Variants in MED13L observed in about 807,000 individuals in gnomAD.
MED13L encodes the protein mediator complex subunit 13L.
A neutral mutation model predicts 220.9 loss-of-function variants in MED13L; 7 were observed. That is an observed-to-expected ratio of 0.03 (90% CI 0.02 to 0.06). The LOEUF (loss-of-function observed/expected upper bound fraction) is 0.06. Ranked by LOEUF, MED13L falls within the 10% of genes least tolerant of loss-of-function variation. The pLI is 1.00. For missense variants in MED13L, 1,965 were observed against 2,760.5 expected, an observed-to-expected ratio of 0.71 and a Z score of 6.46; for synonymous variants, 1,011 against 1,015.2, an observed-to-expected ratio of 1.00 and a Z score of 0.08.
At chr12:116,014,725 A>T (rs1879618962) in intron 8 of MED13L, among the ~76,000 whole-genome samples, 1 of 152,178 alleles carries the variant, frequency 6.6e-6, no homozygotes, top group African/African-American at 2.4e-5. Flanking sequence ...ATAGTAAATC[A>T]GCAAGGAAGG....
intron 1 of MED13L, among the ~76,000 whole-genome samples, chr12:116,272,631 T>A: frequency 6.6e-6 from 1 of 152,074 alleles, no homozygotes; most frequent in East Asian, 1.9e-4. Context: ...CATACTATCC[T>A]AAACACACCC....
At chr12:116,235,408 A>G (rs1869986162) in intron 2 of MED13L, among the ~76,000 whole-genome samples, 1 of 152,214 alleles carries the variant, frequency 6.6e-6, no homozygotes, top group Admixed American at 6.5e-5. Flanking sequence ...TATTCACAAT[A>G]CTACATTTAA....
intron 1 of MED13L, among the ~76,000 whole-genome samples, chr12:116,264,373 T>C (rs1277067537): frequency 6.6e-6 from 1 of 152,206 alleles, no homozygotes; most frequent in Non-Finnish European, 1.5e-5. Context: ...TTTATACTTG[T>C]GAAATTGTAA....
intron 2 of MED13L, among the ~76,000 whole-genome samples, chr12:116,185,741 G>A (rs2138243450): frequency 6.6e-6 from 1 of 151,058 alleles, no homozygotes; most frequent in Non-Finnish European, 1.5e-5. Context: ...CTGTCACCCA[G>A]GCTGGAGTGC....
intron 2 of MED13L, among the ~76,000 whole-genome samples, chr12:116,143,275 G>A (rs577322829): frequency 2.0e-5 from 3 of 151,484 alleles, no homozygotes; most frequent in Non-Finnish European, 2.9e-5. Flanking sequence ...CAGGGAGGCC[G>A]AGGCAGGGCA....
At chr12:116,068,802 CTTG>C (rs1349229623) in intron 4 of MED13L, among the ~76,000 whole-genome samples, 12 of 130,606 alleles carry the variant, frequency 9.2e-5, no homozygotes, top group Admixed American at 6.5e-4. Flanking sequence ...CCTGTCTGTT[CTTG>C]TTGTGTACAA....
intron 9 of MED13L, among the ~76,000 whole-genome samples, chr12:116,011,152 T>C (rs1879372697): frequency 6.6e-6 from 1 of 152,106 alleles, no homozygotes; most frequent in Non-Finnish European, 1.5e-5. Context: ...CCCAAAGTGC[T>C]AGGATTACAG....
Position 116,232,123 on chromosome 12 carries a change from A to G in MED13L, c.310+5345T>C, listed in dbSNP as rs961684916. ...CTCTCTTATGTCTAATGTTTTTACAATCGCCCACACCTCCTGGCACAGGTG... is the reference window on the plus strand; with the variant it reads ...CTCTCTTATGTCTAATGTTTTTACAGTCGCCCACACCTCCTGGCACAGGTG... On this transcript the variant is annotated intron_variant, in intron 2 of 30. Coordinates refer to ENST00000281928, the MANE Select transcript of MED13L (RefSeq NM_015335.5). 24 of 985,278 alleles carry G rather than the reference A, an allele frequency of 2.4e-5. No individual in the cohort carries two copies. In the South Asian group the frequency reaches 9.4e-4, roughly 39 times the overall value. 61.0% of individuals were successfully genotyped at this position (985,278 alleles called of 1,614,324 possible). A position where few individuals can be genotyped will look rare whatever the true frequency, so the allele number is the denominator to read the frequency against.
rs141602903 is a variant in MED13L, at chr12:116,276,566, T to C, written c.72+494A>G. ...CCTGACACAATCGCATTCAATCAAC[T>C]ATTTTAGGGCGAAATTGCAGGTGTC... On this transcript the variant is annotated intron_variant, in intron 1 of 30. Coordinates refer to ENST00000281928, the MANE Select transcript of MED13L (RefSeq NM_015335.5). 7 of 1,236,310 alleles carry C rather than the reference T, an allele frequency of 5.7e-6. No individual in the cohort carries two copies. The Admixed American group carries it at 1.6e-4, about 29-fold the overall frequency. The allele number at this position is 1,236,310 out of a possible 1,614,324, so 76.6% of individuals were successfully genotyped here.
intron 7 of MED13L, among the ~76,000 whole-genome samples, chr12:116,018,563 A>G (rs1008499950): frequency 2.0e-5 from 3 of 152,170 alleles, no homozygotes; most frequent in Admixed American, 1.3e-4. Context: ...AGTTCTAATT[A>G]AAGTGAGGTC....
At chr12:116,097,855 A>G (rs1872738977) in intron 3 of MED13L, among the ~76,000 whole-genome samples, 1 of 152,252 alleles carries the variant, frequency 6.6e-6, no homozygotes, top group Non-Finnish European at 1.5e-5. Context: ...GTTATGATCA[A>G]GTTCACTCAT....
In MED13L at chr12:116,277,622, C is replaced by T. The variant is rs1755792384; in HGVS notation, c.-491G>A. ...CGACGTCCCCTCCTTCCTCTTCCTC[C>T]CCCACCCCCCCCTCCTCCCCAGTCA... On this transcript the variant is annotated 5_prime_UTR_variant, in exon 1 of 31. Transcript: ENST00000281928. Among the ~76,000 whole-genome samples the T allele has an allele frequency of 6.7e-6, 1 of 149,562 alleles. No individual in the cohort carries two copies. The highest frequency in any genetic ancestry group is 2.1e-4 in the South Asian group (1 of 4,826).
At chr12:116,103,047 C>T (rs1345468301) in intron 3 of MED13L, among the ~76,000 whole-genome samples, 3 of 151,876 alleles carry the variant, frequency 2.0e-5, no homozygotes, top group Admixed American at 2.0e-4. Context: ...TAGGCTACTA[C>T]TGTGCCCTAG....
intron 8 of MED13L, among the ~76,000 whole-genome samples, chr12:116,014,671 T>C (rs1394451089): frequency 6.6e-6 from 1 of 152,182 alleles, no homozygotes; most frequent in Non-Finnish European, 1.5e-5. Flanking sequence ...GTCATCAGTC[T>C]AGTTCAAAAA....
intron 2 of MED13L, among the ~76,000 whole-genome samples, chr12:116,168,133 A>AC (rs1879414342): frequency 1.3e-5 from 2 of 152,152 alleles, no homozygotes; most frequent in African/African-American, 2.4e-5. Context: ...ACTATAGACT[A>AC]CCAGAAGTAT....
rs535035301 is a variant in MED13L at position 116,000,373 on chromosome 12, C to A, written c.2569+2630G>T. 1.5e-3 allele frequency among the ~76,000 whole-genome samples: 228 copies of A among 152,288 alleles called. 2 individuals are homozygous for A. The highest frequency in any genetic ancestry group is 5.2e-3 in the African/African-American group (216 of 41,560). On this transcript the variant is annotated intron_variant, in intron 14 of 30. Transcript: ENST00000281928. ...GACGGACTGGAGGTGAGCTGTGCTG[C>A]CCACAGCGCTCTGCTTACTCCCATC... is the stretch of plus-strand genomic sequence containing the variant.
At chr12:116,120,477 T>C (rs11067909) in intron 2 of MED13L, among the ~76,000 whole-genome samples, 1 of 79,428 alleles carries the variant, frequency 1.3e-5, no homozygotes, top group African/African-American at 5.1e-5. Flanking sequence ...TCTCTCTCTC[T>C]CACACACACA....
chr12:116,008,275 T>C lies in MED13L; in HGVS notation c.2012+126A>G, dbSNP rs990590663. ...ATTTGACCATTAAACATTTTCCATA[T>C]CCGGAGTCAAGAAGGACAAAGAAAA... is the stretch of plus-strand genomic sequence containing the variant. On this transcript the variant is annotated intron_variant, in intron 10 of 30. Coordinates refer to ENST00000281928, the MANE Select transcript of MED13L (RefSeq NM_015335.5). 5 of 1,308,542 alleles carry C rather than the reference T, an allele frequency of 3.8e-6. No homozygotes were observed. In the East Asian group the frequency reaches 9.7e-5, roughly 26 times the overall value. The allele number at this position is 1,308,542 out of a possible 1,614,324, so 81.1% of individuals were successfully genotyped here. A position where few individuals can be genotyped will look rare whatever the true frequency, so the allele number is the denominator to read the frequency against.
At chr12:116,058,495 A>G (rs1441502131) in intron 4 of MED13L, among the ~76,000 whole-genome samples, 2 of 152,244 alleles carry the variant, frequency 1.3e-5, no homozygotes, top group African/African-American at 4.8e-5. Context: ...CTTACACTAT[A>G]GCATAAACTG....
Sources: gnomAD v4.1 joint callset for allele counts (sites outside exome capture counted in the v4.1 genomes callset) on GRCh38, gnomAD v4.1.1 for gene constraint, MANE v1.5 for transcripts, NCBI Gene and HGNC (gene_info 2026-07-23, HGNC 2026-07-21) for gene names.